The following PLOD3 variants were observed in gnomAD, a reference collection of about 807,000 sequenced individuals.
The protein encoded by PLOD3 is multifunctional procollagen lysine hydroxylase and glycosyltransferase LH3.
In PLOD3, 73 loss-of-function variants were observed where a neutral mutation model predicts 96.9. The observed-to-expected ratio is 0.75, with a 90% CI of 0.62 to 0.92. PLOD3 has a LOEUF of 0.92. Among genes scored for constraint, PLOD3 ranks in the 40% least tolerant of loss-of-function variants. The pLI, the probability that PLOD3 is intolerant of heterozygous loss-of-function variation, is 0.00. For missense variants in PLOD3, 1,004 were observed against 1,004.3 expected (o/e 1.00, Z 0.00); for synonymous variants, 454 against 413.7 (o/e 1.10, Z -1.18).
intron 16 of PLOD3, among the ~76,000 whole-genome samples, chr7:101,208,216 G>A (rs953720959): frequency 6.6e-6 from 1 of 152,152 alleles, no homozygotes; most frequent in African/African-American, 2.4e-5. Flanking sequence ...TTCTGCCTCA[G>A]CCTCCTGAAT....
In PLOD3 at chr7:101,217,391, CG is replaced by C; in HGVS notation, c.-118del. Reference sequence around the variant, plus strand: ...CGCTCGGGCTGCTGTGCGGCCGCCGCGGGGAGCAGCTTGGCTGGGGCTACGC... The same window carrying C: ...CGCTCGGGCTGCTGTGCGGCCGCCGCGGGAGCAGCTTGGCTGGGGCTACGC... On this transcript the variant is annotated 5_prime_UTR_variant, in exon 1 of 19. Coordinates refer to ENST00000223127, the MANE Select transcript of PLOD3 (RefSeq NM_001084.5). The C allele has an allele frequency of 9.5e-7, 1 of 1,057,234 alleles. No homozygotes were observed. Among genetic ancestry groups the C allele is most frequent in the South Asian group, 2.7e-5 (1 of 36,572 alleles). 65.5% of individuals were successfully genotyped at this position (1,057,234 alleles called of 1,614,324 possible).
rs186868533 is a variant in PLOD3, at chr7:101,208,250, G to A, written c.1789-526C>T. Among the ~76,000 whole-genome samples the A allele has an allele frequency of 7.2e-4, 110 of 152,132 alleles. 2 individuals are homozygous for A. The South Asian group carries it at 0.01, about 14-fold the overall frequency. On this transcript the variant is annotated intron_variant, in intron 16 of 18. Transcript: ENST00000223127. ...ATAGCTGGGACATGCCACCATGCCC[G>A]GCTAATTTGTTGGTTTTTCTGAGAT...
chr7:101,210,290 G>A (rs1232941111), intron 14 of PLOD3, 41 bp downstream of exon 14: 1 of 1,560,836 alleles, frequency 6.4e-7, no homozygotes, highest in East Asian at 2.3e-5. Context: ...TTAGCACAAG[G>A]CGGGGAACCT....
chr7:101,208,635 G>C (rs918992111), intron 16 of PLOD3: 3 of 540,632 alleles, frequency 5.5e-6, no homozygotes, highest in African/African-American at 1.9e-5. Context: ...CAATCCTCCC[G>C]CCTCAGCCTC....
In PLOD3 at chr7:101,207,495, G is replaced by A. The variant is rs897121984; in HGVS notation, c.1935+83C>T. 2.1e-6 allele frequency: 3 copies of A among 1,425,174 alleles called. No individual in the cohort carries two copies. In the Admixed American group the frequency reaches 5.3e-5, roughly 25 times the overall value. The allele number at this position is 1,425,174 out of a possible 1,614,324, so 88.3% of individuals were successfully genotyped here. Reference sequence around the variant, plus strand: ...TGCATGGAGCCCAAATGCTGCCGGGGCCGAAAGGGGTCTGCGTGGAGACTT... The same window carrying A: ...TGCATGGAGCCCAAATGCTGCCGGGACCGAAAGGGGTCTGCGTGGAGACTT... On this transcript the variant is annotated intron_variant, in intron 17 of 18. Coordinates refer to ENST00000223127, the MANE Select transcript of PLOD3 (RefSeq NM_001084.5).
intron 6 of PLOD3, among the ~76,000 whole-genome samples, chr7:101,213,846 G>A (rs1811203): frequency 0.014 from 2,174 of 151,750 alleles, 42 homozygotes; most frequent in East Asian, 0.087. Flanking sequence ...TTACAGGCGC[G>A]CACCACCATG....
chr7:101,215,183 A>T (rs533088917), intron 5 of PLOD3, 31 bp from the exon 6 acceptor site: 1 of 1,448,102 alleles, frequency 6.9e-7, no homozygotes, highest in African/African-American at 1.4e-5. Flanking sequence ...TGGAGTGGTT[A>T]AAATGGAAGG....
At chr7:101,216,138 C>T (rs561749423) in intron 4 of PLOD3, 25 bp downstream of exon 4, 152 of 1,614,062 alleles carry the variant, frequency 9.4e-5, no homozygotes, top group Admixed American at 1.8e-4. Context: ...CTTGGCCCCT[C>T]TGCCTTGGGC....
intron 7 of PLOD3, 77 bp downstream of exon 7, chr7:101,213,030 G>A: frequency 2.2e-6 from 3 of 1,371,030 alleles, no homozygotes; most frequent in Non-Finnish European, 3.1e-6. Context: ...GGCTGGGAAG[G>A]GCCAGCTTCT....
Position 101,216,415 on chromosome 7 carries a change from C to T in PLOD3, c.333G>A (p.Val111=). The T allele has an allele frequency of 6.2e-7, 1 of 1,614,184 alleles. No individual in the cohort carries two copies. Among genetic ancestry groups the T allele is most frequent in the Non-Finnish European group, 8.5e-7 (1 of 1,180,040 alleles). ...ADREDMIIMF[V]DSYDVILAGS... is the part of the protein sequence containing the mutation. Reference sequence around the variant, plus strand: ...CCTATCCCCAGCCCCGTTACCTATCCACAAACATGATGATCATATCCTCCC... The same window carrying T: ...CCTATCCCCAGCCCCGTTACCTATCTACAAACATGATGATCATATCCTCCC... The change falls in exon 3 of 19, where the codon GTG becomes GTA. Residue 111 remains valine, a synonymous_variant. Transcript: ENST00000223127.
chr7:101,216,927 C>T (rs932828815), intron 1 of PLOD3, 141 bp from the exon 2 acceptor site: 7 of 777,134 alleles, frequency 9.0e-6, no homozygotes, highest in African/African-American at 6.8e-5. Context: ...ACACTCTGAC[C>T]CCAAGGAGGG....
intron 12 of PLOD3, chr7:101,210,905 G>A: frequency 1.9e-6 from 1 of 536,566 alleles, no homozygotes. Flanking sequence ...TTTTGAGACG[G>A]AGTCTTGCTC....
In PLOD3 at chr7:101,208,619, C is replaced by G; in HGVS notation, c.1788+234G>C. On this transcript the variant is annotated intron_variant, in intron 16 of 18. Coordinates refer to ENST00000223127, the MANE Select transcript of PLOD3 (RefSeq NM_001084.5). ...CCAGGCTGGCCTCAAACTCCCCCTG[C>G]TCGAGCAATCCTCCCGCCTCAGCCT... 7.8e-6 allele frequency: 4 copies of G among 511,158 alleles called. 1 individual carries two copies. The highest frequency in any genetic ancestry group is 7.5e-6 in the Non-Finnish European group (2 of 268,328). 31.7% of individuals were successfully genotyped at this position (511,158 alleles called of 1,614,324 possible).
Position 101,206,852 on chromosome 7 carries a change from G to C in PLOD3, c.1988C>G (p.Ser663Cys), listed in dbSNP as rs1281185643. 2 of 1,567,366 alleles carry C rather than the reference G, an allele frequency of 1.3e-6. No individual in the cohort carries two copies. Among genetic ancestry groups the C allele is most frequent in the Non-Finnish European group, 1.7e-6 (2 of 1,155,760 alleles). Residue 663 changes from serine (S) to cysteine (C), a missense_variant, in exon 18 of 19, where the codon TCT becomes TGT. By Grantham distance (112) the Ser-to-Cys change is moderately radical (BLOSUM62 -1). Coordinates refer to ENST00000223127, the MANE Select transcript of PLOD3 (RefSeq NM_001084.5). ...GGATGAGTCGTGGTGTGGCCGCAGA[G>C]ACGGCTGCTCGTCTGGCCGGTAGCG... ...VVRYRPDEQP[S>C]LRPHHDSSTF... is the part of the protein sequence containing the mutation.
At chr7:101,207,826 G>A in intron 16 of PLOD3, 102 bp from the exon 17 acceptor site, 1 of 1,253,762 alleles carries the variant, frequency 8.0e-7, no homozygotes, top group Non-Finnish European at 1.1e-6. Context: ...CTTCACACCT[G>A]TGTTCCTCTG....
chr7:101,212,096 G>T, intron 10 of PLOD3, 146 bp from the exon 11 acceptor site: 1 of 1,102,174 alleles, frequency 9.1e-7, no homozygotes, highest in Non-Finnish European at 1.3e-6. Flanking sequence ...AGCTGGCAAG[G>T]GCAGGAGTGA....
intron 15 of PLOD3, 85 bp downstream of exon 15, chr7:101,210,008 G>A: frequency 1.6e-6 from 1 of 642,078 alleles, no homozygotes; most frequent in East Asian, 2.9e-5. Context: ...GGAACTCAGT[G>A]TGAAAACTTT....
rs1350034880 is a variant in PLOD3, at chr7:101,207,728, G to A, written c.1789-4C>T. 6.2e-7 allele frequency: 1 copy of A among 1,613,672 alleles called. No homozygotes were observed. Among genetic ancestry groups the A allele is most frequent in the African/African-American group, 1.3e-5 (1 of 74,902 alleles). On this transcript the variant is annotated splice_region_variant and splice_polypyrimidine_tract_variant and intron_variant, in intron 16 of 18. Transcript: ENST00000223127. ...AGCCTCCAGCCAGCCTTGAATCCTG[G>A]GGGCGGCGGGCACTGAGCCACCCGC...
intron 6 of PLOD3, among the ~76,000 whole-genome samples, chr7:101,214,457 CCT>C (rs1267449596): frequency 6.6e-6 from 1 of 152,122 alleles, no homozygotes; most frequent in African/African-American, 2.4e-5. Context: ...CTCCCCATCC[CCT>C]GAGGCAAGTC....
Sources: allele counts gnomAD v4.1 joint callset (sites outside exome capture counted in the v4.1 genomes callset), GRCh38; gene constraint gnomAD v4.1.1; transcripts MANE v1.5; gene names NCBI Gene and HGNC (gene_info 2026-07-23, HGNC 2026-07-21).